The following HERC3 variants were observed in gnomAD, a reference collection of about 807,000 sequenced individuals.
HERC3 encodes the protein HECT and RLD domain containing E3 ubiquitin protein ligase 3.
Under a neutral mutation model 129.9 loss-of-function variants are expected in HERC3, and 58 were observed. The observed-to-expected ratio is 0.45, with a 90% CI of 0.36 to 0.56. The LOEUF is 0.56. HERC3 is among the 20% of genes least tolerant of loss of function. HERC3 has a pLI of 0.00. For synonymous variants in HERC3, 430 were observed against 451.0 expected (o/e 0.95, Z 0.59); for missense variants, 835 against 1,244.2 (o/e 0.67, Z 4.95).
the HERC3 span, chr4:88,527,827 G>A: frequency 6.1e-6 from 2 of 326,982 alleles, no homozygotes; most frequent in South Asian, 2.8e-5. Flanking sequence ...CTTTGTTTAC[G>A]AACGGAAGCT....
chr4:88,618,650 G>A (rs554507369), intron 3 of HERC3, among the ~76,000 whole-genome samples: 3 of 152,300 alleles, frequency 2.0e-5, no homozygotes, highest in South Asian at 2.1e-4. Context: ...ATCACTGGAC[G>A]TAGGTTGAGT....
At chr4:88,623,478 A>G (rs1725762014) in intron 3 of HERC3, among the ~76,000 whole-genome samples, 1 of 152,224 alleles carries the variant, frequency 6.6e-6, no homozygotes, top group African/African-American at 2.4e-5. Context: ...ATGAATGAAT[A>G]GCTCATTATC....
the HERC3 span, among the ~76,000 whole-genome samples, chr4:88,572,667 G>A: frequency 6.6e-6 from 1 of 151,732 alleles, no homozygotes; most frequent in African/African-American, 2.4e-5. Context: ...AAATTAGCCA[G>A]GTGTGGTGGC....
At chr4:88,548,100 A>T in the HERC3 span, among the ~76,000 whole-genome samples, 1 of 152,294 alleles carries the variant, frequency 6.6e-6, no homozygotes, top group African/African-American at 2.4e-5. Flanking sequence ...TCCATTCATC[A>T]GTTGATACAC....
Position 88,704,237 on chromosome 4 carries a change from A to T in HERC3, c.2797A>T (p.Met933Leu), listed in dbSNP as rs61750820. ...CTTCCAGCCTTCAGAACTGAGGGCT[A>T]TGATGGTGGGGAACAGCAACTACAA... ...ELFQPSELRA[M>L]MVGNSNYNWE... Residue 933 changes from methionine (M) to leucine (L), a missense_variant, in exon 24 of 26, where the codon ATG becomes TTG. Transcript: ENST00000402738. 7,160 of 1,614,100 alleles carry T rather than the reference A, an allele frequency of 4.4e-3. 25 individuals are homozygous for T. Among genetic ancestry groups the T allele is most frequent in the Non-Finnish European group, 5.8e-3 (6,842 of 1,179,986 alleles).
At chr4:88,579,219 TAAAA>T in the HERC3 span, among the ~76,000 whole-genome samples, 55 of 117,054 alleles carry the variant, frequency 4.7e-4, 1 homozygote, top group East Asian at 3.0e-3. Flanking sequence ...CTGTCTCTAC[TAAAA>T]AAAAAAAAAA....
intron 7 of HERC3, among the ~76,000 whole-genome samples, chr4:88,654,387 T>TATACACAC (rs1321614619): frequency 1.1e-5 from 1 of 94,338 alleles, no homozygotes; most frequent in African/African-American, 3.2e-5. Context: ...TATATATATA[T>TATACACAC]ACACACACAC....
the HERC3 span, among the ~76,000 whole-genome samples, chr4:88,574,739 G>A: frequency 5.9e-5 from 9 of 152,258 alleles, no homozygotes; most frequent in South Asian, 2.1e-4. Flanking sequence ...ATGTGGTAGC[G>A]TGTGTCTGAT....
chr4:88,621,413 G>A (rs146945051), intron 3 of HERC3, among the ~76,000 whole-genome samples: 9 of 152,118 alleles, frequency 5.9e-5, no homozygotes, highest in African/African-American at 2.2e-4. Flanking sequence ...GCCTCAGTAA[G>A]TATTTTTTGG....
chr4:88,616,284 A>G (rs1428894581), intron 3 of HERC3, among the ~76,000 whole-genome samples: 1 of 152,222 alleles, frequency 6.6e-6, no homozygotes, highest in Non-Finnish European at 1.5e-5. Flanking sequence ...GCATACATAC[A>G]TCTTCTCTCT....
the HERC3 span, chr4:88,527,731 G>A: frequency 2.9e-5 from 9 of 308,140 alleles, no homozygotes; most frequent in African/African-American, 1.8e-4. Context: ...CATAGGTTCT[G>A]TCAAGAAAAA....
At chr4:88,668,188 A>C in intron 14 of HERC3, 107 bp downstream of exon 14, 1 of 901,546 alleles carries the variant, frequency 1.1e-6, no homozygotes. Flanking sequence ...GTTGCCATTT[A>C]ATATCCTTAA....
At chr4:88,575,888 T>C in the HERC3 span, among the ~76,000 whole-genome samples, 1 of 152,218 alleles carries the variant, frequency 6.6e-6, no homozygotes, top group Non-Finnish European at 1.5e-5. Flanking sequence ...TTAGGCAGTA[T>C]GCTAGGTGCT....
At chr4:88,591,990 C>T (rs963767377), upstream of HERC3, among the ~76,000 whole-genome samples, 3 of 152,080 alleles carry the variant, frequency 2.0e-5, no homozygotes, top group Admixed American at 1.3e-4. Flanking sequence ...CGCCGCGGGC[C>T]GGCGCCGCGC....
chr4:88,564,870 T>C, the HERC3 span, among the ~76,000 whole-genome samples: 2 of 152,122 alleles, frequency 1.3e-5, no homozygotes, highest in African/African-American at 4.8e-5. Context: ...TGCTATAAAT[T>C]TTCCTCTTAG....
At chr4:88,608,978 T>C (rs1331210267) in intron 3 of HERC3, among the ~76,000 whole-genome samples, 1 of 152,134 alleles carries the variant, frequency 6.6e-6, no homozygotes, top group Non-Finnish European at 1.5e-5. Flanking sequence ...ATGGAGGCAT[T>C]ACATCTCTAA....
intron 3 of HERC3, among the ~76,000 whole-genome samples, chr4:88,644,649 G>C (rs1001481490): frequency 2.6e-5 from 4 of 152,076 alleles, no homozygotes; most frequent in African/African-American, 9.7e-5. Context: ...ACATTTTTGG[G>C]GTGATGGGAC....
chr4:88,648,282 A>G (rs1728911333), intron 3 of HERC3, among the ~76,000 whole-genome samples: 1 of 151,806 alleles, frequency 6.6e-6, no homozygotes, highest in South Asian at 2.1e-4. Context: ...AAGGTTCTTC[A>G]CCTCCTTCCT....
At chr4:88,543,690 C>T in the HERC3 span, among the ~76,000 whole-genome samples, 5 of 152,188 alleles carry the variant, frequency 3.3e-5, no homozygotes, top group East Asian at 5.8e-4. Context: ...AACTATACTA[C>T]GAAACAGCAT....
Sources: gnomAD v4.1 joint callset for allele counts (sites outside exome capture counted in the v4.1 genomes callset) on GRCh38, gnomAD v4.1.1 for gene constraint, MANE v1.5 for transcripts, NCBI Gene and HGNC (gene_info 2026-07-23, HGNC 2026-07-21) for gene names.